The following ENTREP1 variants were observed in gnomAD, a reference collection of about 807,000 sequenced individuals.
ENTREP1 encodes the protein endosomal transmembrane epsin interactor 1.
At chr9:69,391,753 G>A in the ENTREP1 span, 12 of 1,613,516 alleles carry the variant, frequency 7.4e-6, no homozygotes, top group Non-Finnish European at 1.0e-5. Flanking sequence ...GGCGAGTGGA[G>A]GCTGAGCGGC....
the ENTREP1 span, among the ~76,000 whole-genome samples, chr9:69,330,342 T>C: frequency 2.6e-5 from 4 of 152,058 alleles, no homozygotes; most frequent in African/African-American, 7.2e-5. Context: ...TTCAGATGAG[T>C]GGTAGAGAAT....
chr9:69,328,361 T>C, the ENTREP1 span, among the ~76,000 whole-genome samples: 2 of 152,300 alleles, frequency 1.3e-5, no homozygotes, highest in Admixed American at 1.3e-4. Flanking sequence ...TAGGATTGAG[T>C]GGGCAGTCCG....
At chr9:69,336,537 TAAAA>T in the ENTREP1 span, among the ~76,000 whole-genome samples, 1 of 152,128 alleles carries the variant, frequency 6.6e-6, no homozygotes, top group Non-Finnish European at 1.5e-5. Flanking sequence ...GATAGAATTT[TAAAA>T]AAACTACTTA....
the ENTREP1 span, chr9:69,379,952 G>A: frequency 6.6e-6 from 1 of 152,122 alleles, no homozygotes; most frequent in Non-Finnish European, 1.5e-5. Flanking sequence ...TAAGATCTAG[G>A]TGCATCCTCG....
chr9:69,327,462 A>C, the ENTREP1 span, among the ~76,000 whole-genome samples: 3 of 152,220 alleles, frequency 2.0e-5, no homozygotes, highest in Non-Finnish European at 2.9e-5. Flanking sequence ...ATAAAATCAT[A>C]ATCTATTGTC....
the ENTREP1 span, among the ~76,000 whole-genome samples, chr9:69,367,535 CA>C: frequency 6.8e-6 from 1 of 148,038 alleles, no homozygotes; most frequent in Admixed American, 6.8e-5. Flanking sequence ...TATCTTTCAT[CA>C]GTGTTTTTAG....
the ENTREP1 span, chr9:69,325,552 C>CGCT: frequency 3.4e-6 from 4 of 1,189,282 alleles, no homozygotes; most frequent in African/African-American, 6.4e-5. Flanking sequence ...CAGTCGCCGC[C>CGCT]GCTGCCGCCG....
the ENTREP1 span, among the ~76,000 whole-genome samples, chr9:69,361,384 A>C: frequency 6.6e-6 from 1 of 152,188 alleles, no homozygotes; most frequent in Non-Finnish European, 1.5e-5. Flanking sequence ...GGAATCATAC[A>C]GCACATGCCC....
chr9:69,331,335 T>C, the ENTREP1 span, among the ~76,000 whole-genome samples: 1 of 152,250 alleles, frequency 6.6e-6, no homozygotes, highest in Non-Finnish European at 1.5e-5. Flanking sequence ...TATAAGCTTC[T>C]GATCTTAACG....
At chr9:69,379,862 G>C in the ENTREP1 span, 2 of 152,224 alleles carry the variant, frequency 1.3e-5, no homozygotes, top group African/African-American at 4.8e-5. Flanking sequence ...GAGCACTCCC[G>C]ACCTTCCTGT....
chr9:69,340,937 G>A, the ENTREP1 span, among the ~76,000 whole-genome samples: 2 of 152,148 alleles, frequency 1.3e-5, no homozygotes, highest in South Asian at 4.1e-4. Flanking sequence ...AAAATGTTCT[G>A]TAAGTGTTTA....
chr9:69,376,233 T>C, the ENTREP1 span, among the ~76,000 whole-genome samples: 2 of 152,196 alleles, frequency 1.3e-5, no homozygotes, highest in Non-Finnish European at 2.9e-5. Context: ...AACCTTTAAG[T>C]CGCACACTCG....
the ENTREP1 span, among the ~76,000 whole-genome samples, chr9:69,374,809 T>C: frequency 6.6e-6 from 1 of 152,136 alleles, no homozygotes; most frequent in Admixed American, 6.5e-5. Context: ...ACAAATTTGT[T>C]TGTGGATAGG....
chr9:69,369,193 G>A, the ENTREP1 span, among the ~76,000 whole-genome samples: 5 of 152,210 alleles, frequency 3.3e-5, no homozygotes, highest in South Asian at 6.2e-4. Flanking sequence ...GTATTCCATC[G>A]TGTATATGTG....
the ENTREP1 span, chr9:69,325,786 C>A: frequency 8.2e-7 from 1 of 1,212,882 alleles, no homozygotes; most frequent in Middle Eastern, 3.2e-4. Context: ...TCTGGTCGTT[C>A]CTCTCCATTG....
chr9:69,384,251 G>A, the ENTREP1 span, among the ~76,000 whole-genome samples: 4 of 152,246 alleles, frequency 2.6e-5, no homozygotes, highest in African/African-American at 9.6e-5. Flanking sequence ...GTGTTAGAGG[G>A]CAGGTATTCT....
At chr9:69,365,341 T>G in the ENTREP1 span, among the ~76,000 whole-genome samples, 2 of 152,158 alleles carry the variant, frequency 1.3e-5, no homozygotes, top group African/African-American at 4.8e-5. Flanking sequence ...AGTGAAATCA[T>G]ACAGTATCTG....
chr9:69,334,940 A>G, the ENTREP1 span, among the ~76,000 whole-genome samples: 1 of 151,756 alleles, frequency 6.6e-6, no homozygotes, highest in Non-Finnish European at 1.5e-5. Flanking sequence ...TTTGTATTTT[A>G]GTGGAGATGG....
the ENTREP1 span, among the ~76,000 whole-genome samples, chr9:69,331,637 T>C: frequency 6.6e-6 from 1 of 152,214 alleles, no homozygotes; most frequent in African/African-American, 2.4e-5. Flanking sequence ...AGTTGCTTTT[T>C]GTTGCTGCTG....
Sources: allele counts gnomAD v4.1 joint callset (sites outside exome capture counted in the v4.1 genomes callset), GRCh38; gene constraint gnomAD v4.1.1; transcripts MANE v1.5; gene names NCBI Gene and HGNC (gene_info 2026-07-23, HGNC 2026-07-21).